The following ITGA9 variants were observed in gnomAD, a reference collection of about 807,000 sequenced individuals.
The protein encoded by ITGA9 is integrin alpha-9.
In ITGA9, 56 loss-of-function variants were observed where a neutral mutation model predicts 127.8. The ratio of observed to expected loss-of-function variants is 0.44; its 90% CI spans 0.35 to 0.55. ITGA9 has a LOEUF of 0.55. ITGA9 is among the 20% of genes least tolerant of loss of function. The pLI is 0.00. For synonymous variants in ITGA9, 508 were observed against 514.5 expected (o/e 0.99, Z 0.17); for missense variants, 1,196 against 1,347.1 (o/e 0.89, Z 1.76).
chr3:37,758,191 C>T (rs964636951), intron 23 of ITGA9, among the ~76,000 whole-genome samples: 1 of 149,404 alleles, frequency 6.7e-6, no homozygotes, highest in Non-Finnish European at 1.5e-5. Context: ...GGCGCGGTGG[C>T]GGGCGCCTGT....
chr3:37,516,481 G>A (rs1232223277), intron 9 of ITGA9, among the ~76,000 whole-genome samples: 1 of 150,864 alleles, frequency 6.6e-6, no homozygotes, highest in Non-Finnish European at 1.5e-5. Flanking sequence ...TTTGAATGAG[G>A]AGCTGGCTGT....
chr3:37,562,992 A>G (rs1370158305), intron 15 of ITGA9, among the ~76,000 whole-genome samples: 1 of 139,338 alleles, frequency 7.2e-6, no homozygotes, highest in African/African-American at 2.5e-5. Flanking sequence ...ATCAGGAACT[A>G]TTTCATTTGT....
intron 16 of ITGA9, among the ~76,000 whole-genome samples, chr3:37,643,301 T>C (rs1296965424): frequency 6.6e-6 from 1 of 152,180 alleles, no homozygotes; most frequent in Admixed American, 6.5e-5. Flanking sequence ...GTGAAAACCA[T>C]CTAGTTTGAA....
chr3:37,471,252 C>T (rs1304875907), intron 2 of ITGA9, 118 bp downstream of exon 2: 1 of 1,120,368 alleles, frequency 8.9e-7, no homozygotes, highest in African/African-American at 1.5e-5. Context: ...CCTTCCCTCC[C>T]TCCTTCTCTC....
intron 18 of ITGA9, among the ~76,000 whole-genome samples, chr3:37,689,095 C>T (rs1318603511): frequency 6.6e-6 from 1 of 152,108 alleles, no homozygotes; most frequent in Admixed American, 6.5e-5. Flanking sequence ...GATGATTATT[C>T]ATTTTGTGCA....
chr3:37,464,676 T>C (rs1698351897), intron 1 of ITGA9, among the ~76,000 whole-genome samples: 1 of 152,182 alleles, frequency 6.6e-6, no homozygotes, highest in African/African-American at 2.4e-5. Flanking sequence ...ATGCATAACT[T>C]TCCCATAAAG....
At chr3:37,590,416 C>T (rs1699804177) in intron 15 of ITGA9, among the ~76,000 whole-genome samples, 1 of 152,166 alleles carries the variant, frequency 6.6e-6, no homozygotes, top group African/African-American at 2.4e-5. Context: ...AGGGAGCCAA[C>T]AGGAAGGAGG....
At chr3:37,679,982 C>T (rs916754680) in intron 17 of ITGA9, among the ~76,000 whole-genome samples, 6 of 151,928 alleles carry the variant, frequency 3.9e-5, no homozygotes, top group African/African-American at 9.7e-5. Flanking sequence ...GTGGGGGGCT[C>T]ATAATGGGAG....
At chr3:37,701,064 G>T (rs905994228) in intron 18 of ITGA9, among the ~76,000 whole-genome samples, 1 of 152,172 alleles carries the variant, frequency 6.6e-6, no homozygotes, top group Non-Finnish European at 1.5e-5. Flanking sequence ...GCCTTCAGGG[G>T]TGACAGACAG....
intron 4 of ITGA9, among the ~76,000 whole-genome samples, chr3:37,488,936 C>T (rs1182210872): frequency 1.3e-5 from 2 of 152,320 alleles, no homozygotes; most frequent in African/African-American, 4.8e-5. Flanking sequence ...AGAACTTTTG[C>T]ATCATCCCAA....
intron 7 of ITGA9, 84 bp downstream of exon 7, chr3:37,506,169 C>A: frequency 9.9e-7 from 1 of 1,013,688 alleles, no homozygotes; most frequent in Non-Finnish European, 1.5e-6. Context: ...TGCCAGCTGA[C>A]ATTGACCTGA....
At chr3:37,753,673 CCA>C (rs1696616975) in intron 23 of ITGA9, 1 of 152,198 alleles carries the variant, frequency 6.6e-6, no homozygotes, top group Non-Finnish European at 1.5e-5. Context: ...GAGTACTGAA[CCA>C]CAGTCATTTC....
chr3:37,689,258 A>C (rs1377827994), intron 18 of ITGA9, among the ~76,000 whole-genome samples: 1 of 152,196 alleles, frequency 6.6e-6, no homozygotes, highest in African/African-American at 2.4e-5. Flanking sequence ...ACTTTCATAG[A>C]TTTATTCTGG....
At chr3:37,670,224 G>A (rs1023106530) in intron 17 of ITGA9, among the ~76,000 whole-genome samples, 5 of 152,214 alleles carry the variant, frequency 3.3e-5, no homozygotes, top group Non-Finnish European at 7.4e-5. Flanking sequence ...TCCTGAGGTG[G>A]TAGAATTGAG....
chr3:37,473,358 G>C lies in ITGA9; in HGVS notation c.318G>C (p.Lys106Asn), dbSNP rs1698457042. The change falls in exon 3 of 28, where the codon AAG (lysine) becomes AAC (asparagine). Residue 106 changes from lysine to asparagine, a missense_variant. By Grantham distance (94) the Lys-to-Asn change is moderately conservative (BLOSUM62 0). Coordinates refer to ENST00000264741, the MANE Select transcript of ITGA9 (RefSeq NM_002207.3). ...RCTELDMARG[K>N]NRGTSCGKTC... is the part of the protein sequence containing the mutation. ...GCTCTTCTCCTCTTTCTCCAGGGAA[G>C]AATCGGGGCACGTCCTGCGGAAAGA... is the stretch of plus-strand genomic sequence containing the variant. The C allele has an allele frequency of 1.9e-6, 3 of 1,613,772 alleles. No individual in the cohort carries two copies. The African/African-American group carries it at 4.0e-5, about 22-fold the overall frequency.
chr3:37,784,928 C>A (rs1697020445), intron 25 of ITGA9, 49 bp from the exon 26 acceptor site: 5 of 1,473,976 alleles, frequency 3.4e-6, no homozygotes, highest in Non-Finnish European at 4.7e-6. Flanking sequence ...CAAGGCCCAG[C>A]CATTATCATA....
chr3:37,648,914 A>C (rs1392903056), intron 16 of ITGA9, among the ~76,000 whole-genome samples: 1 of 152,144 alleles, frequency 6.6e-6, no homozygotes, highest in African/African-American at 2.4e-5. Context: ...TACATAATAT[A>C]AATAGATATA....
intron 20 of ITGA9, among the ~76,000 whole-genome samples, chr3:37,739,005 C>T (rs1696400358): frequency 6.6e-6 from 1 of 152,194 alleles, no homozygotes; most frequent in Non-Finnish European, 1.5e-5. Flanking sequence ...CTGACCCTGC[C>T]TCTGCCTGGG....
At chr3:37,502,213 CTTTTTTT>C (rs910743416) in intron 5 of ITGA9, among the ~76,000 whole-genome samples, 9 of 111,828 alleles carry the variant, frequency 8.0e-5, no homozygotes, top group Non-Finnish European at 1.5e-4. Context: ...GTTCTTGAGT[CTTTTTTT>C]TTTTTTTTTT....
Sources: allele counts gnomAD v4.1 joint callset (sites outside exome capture counted in the v4.1 genomes callset), GRCh38; gene constraint gnomAD v4.1.1; transcripts MANE v1.5; gene names NCBI Gene and HGNC (gene_info 2026-07-23, HGNC 2026-07-21).